Variants in SVOP observed in about 807,000 individuals in gnomAD.
The protein encoded by SVOP is synaptic vesicle 2-related protein.
SVOP carries 17 observed loss-of-function variants against 69.1 expected under a neutral mutation model. The ratio of observed to expected loss-of-function variants is 0.25; its 90% CI spans 0.17 to 0.37. The LOEUF (loss-of-function observed/expected upper bound fraction) is 0.37, where lower values mean the gene tolerates loss of function less well. Ranked by LOEUF, SVOP falls within the 10% of genes least tolerant of loss-of-function variation. SVOP has a pLI of 1.00. For missense variants in SVOP, 435 were observed against 597.5 expected, an observed-to-expected ratio of 0.73 and a Z score of 2.84; for synonymous variants, 238 against 238.6, an observed-to-expected ratio of 1.00 and a Z score of 0.02.
In SVOP at chr12:108,940,810, G is replaced by C; in HGVS notation, c.742C>G (p.Leu248Val). ...RWLLILSAVP[L>V]LLFAVLCFWL... ...AAACACAGCACGGCAAAGAGGAGGA[G>C]CGGGACAGCTGAGAGGATGAGCAGC... Residue 248 changes from leucine to valine, a missense_variant, in exon 8 of 16, where the codon CTC (leucine) becomes GTC (valine). Coordinates refer to ENST00000610966, the MANE Select transcript of SVOP (RefSeq NM_018711.5). The C allele has an allele frequency of 6.5e-7, 1 of 1,537,264 alleles. No individual in the cohort carries two copies. Among genetic ancestry groups the C allele is most frequent in the Non-Finnish European group, 8.7e-7 (1 of 1,146,896 alleles).
In SVOP at chr12:108,945,762, T is replaced by C. The variant is rs145383428; in HGVS notation, c.579-596A>G. On this transcript the variant is annotated intron_variant, in intron 6 of 15. Transcript: ENST00000610966. ...CCATTGAGCCCTACCCATAATCCAA[T>C]AAGTCCAGGGAAAAATGTTTTCTTG... Among the ~76,000 whole-genome samples the C allele has an allele frequency of 8.4e-3, 1,273 of 152,194 alleles. 19 individuals carry two copies. Among genetic ancestry groups the C allele is most frequent in the African/African-American group, 0.029 (1,193 of 41,528 alleles).
At chr12:108,978,713 T>C (rs2040120027) in intron 2 of SVOP, 50 bp from the exon 3 acceptor site, 1 of 700,376 alleles carries the variant, frequency 1.4e-6, no homozygotes, top group African/African-American at 1.8e-5. Flanking sequence ...CACCTTGCAG[T>C]TGTCCTAGTG....
intron 1 of SVOP, among the ~76,000 whole-genome samples, chr12:109,013,812 A>G (rs1593210925): frequency 6.6e-6 from 1 of 152,128 alleles, no homozygotes; most frequent in East Asian, 1.9e-4. Context: ...ATTTAAATTC[A>G]GTACCATTAA....
chr12:108,938,737 C>G (rs772918698), intron 9 of SVOP, 90 bp downstream of exon 9: 3 of 1,581,638 alleles, frequency 1.9e-6, no homozygotes, highest in Non-Finnish European at 2.6e-6. Flanking sequence ...CCACATGTGT[C>G]CTCGCATGCA....
intron 6 of SVOP, among the ~76,000 whole-genome samples, chr12:108,959,351 C>CTTTTTTT (rs36192896): frequency 1.9e-5 from 2 of 106,696 alleles, no homozygotes; most frequent in Non-Finnish European, 2.0e-5. Context: ...GCTTTTAATT[C>CTTTTTTT]TTTTTTTTTT....
rs1245683966 is a variant in SVOP, at chr12:108,919,658, G to A, written c.1268+17C>T. ...CACCTGTGCTCAAACTCATACCTAGGCTTGCAGATCACCTACCTTCCAACA... is the reference window on the plus strand; with the variant it reads ...CACCTGTGCTCAAACTCATACCTAGACTTGCAGATCACCTACCTTCCAACA... On this transcript the variant is annotated intron_variant, in intron 13 of 15. Coordinates refer to ENST00000610966, the MANE Select transcript of SVOP (RefSeq NM_018711.5). The A allele has an allele frequency of 6.3e-7, 1 of 1,577,018 alleles. No homozygotes were observed. Among genetic ancestry groups the A allele is most frequent in the Non-Finnish European group, 8.6e-7 (1 of 1,159,924 alleles).
intron 6 of SVOP, among the ~76,000 whole-genome samples, chr12:108,958,107 G>A (rs1012225604): frequency 1.3e-5 from 2 of 152,130 alleles, no homozygotes; most frequent in African/African-American, 2.4e-5. Context: ...ATCTTTTATT[G>A]AAGAGTACTG....
intron 6 of SVOP, among the ~76,000 whole-genome samples, chr12:108,957,694 C>T (rs548321188): frequency 7.9e-5 from 12 of 152,322 alleles, no homozygotes; most frequent in African/African-American, 1.9e-4. Context: ...AATGGACAAG[C>T]GCAGCAGCTA....
intron 11 of SVOP, among the ~76,000 whole-genome samples, chr12:108,929,870 C>A (rs916977678): frequency 6.6e-6 from 1 of 152,178 alleles, no homozygotes; most frequent in East Asian, 1.9e-4. Flanking sequence ...CAGTACCTGG[C>A]GTGTAGAAAA....
At chr12:108,915,447 T>C (rs1300435142) in intron 15 of SVOP, among the ~76,000 whole-genome samples, 1 of 152,202 alleles carries the variant, frequency 6.6e-6, no homozygotes, top group African/African-American at 2.4e-5. Flanking sequence ...TTTTCTGTTC[T>C]TGCATTAATT....
At chr12:108,997,397 A>T (rs1236612437) in intron 1 of SVOP, among the ~76,000 whole-genome samples, 1 of 151,206 alleles carries the variant, frequency 6.6e-6, no homozygotes, top group Non-Finnish European at 1.5e-5. Flanking sequence ...GGCGCCCGCC[A>T]TTGCCCAGGC....
intron 2 of SVOP, among the ~76,000 whole-genome samples, chr12:108,980,059 C>A (rs1352941418): frequency 6.6e-6 from 1 of 151,966 alleles, no homozygotes; most frequent in Non-Finnish European, 1.5e-5. Flanking sequence ...GCCTATGGTC[C>A]TAGCTACCTG....
chr12:108,996,364 C>A (rs1449934538), intron 1 of SVOP, among the ~76,000 whole-genome samples: 1 of 152,074 alleles, frequency 6.6e-6, no homozygotes, highest in Non-Finnish European at 1.5e-5. Context: ...TTGAGACCAG[C>A]CTGGCCAACA....
Position 108,922,714 on chromosome 12 carries a change from A to C in SVOP, c.1132T>G (p.Trp378Gly), listed in dbSNP as rs751243832. Reference sequence around the variant, plus strand: ...CCTGGAAACTCAGAGAGGGTGGTCCACAGCAAGTCCATGTAATCCTCCTCA... The same window carrying C: ...CCTGGAAACTCAGAGAGGGTGGTCCCCAGCAAGTCCATGTAATCCTCCTCA... ...LSEEDYMDLL[W>G]TTLSEFPGVL... Residue 378 changes from tryptophan to glycine, a missense_variant, in exon 12 of 16, where the codon TGG (tryptophan) becomes GGG (glycine). By Grantham distance (184) the Trp-to-Gly change is radical. Transcript: ENST00000610966. 2 of 1,610,784 alleles carry C rather than the reference A, an allele frequency of 1.2e-6. No individual in the cohort carries two copies. Among genetic ancestry groups the C allele is most frequent in the South Asian group, 2.2e-5 (2 of 89,892 alleles).
chr12:108,962,045 A>G (rs892336502), intron 5 of SVOP, among the ~76,000 whole-genome samples: 2 of 152,220 alleles, frequency 1.3e-5, no homozygotes, highest in African/African-American at 2.4e-5. Context: ...ATTTTAATGA[A>G]TGACATACTC....
chr12:109,009,739 G>A (rs959537861), intron 1 of SVOP, among the ~76,000 whole-genome samples: 1 of 152,062 alleles, frequency 6.6e-6, no homozygotes, highest in African/African-American at 2.4e-5. Context: ...TTCAACCGGG[G>A]CAATTTAGTC....
At chr12:108,959,806 T>C (rs1318609670) in intron 6 of SVOP, among the ~76,000 whole-genome samples, 2 of 152,192 alleles carry the variant, frequency 1.3e-5, no homozygotes, top group African/African-American at 4.8e-5. Context: ...TTCCAAATCC[T>C]TTGCCTTCTT....
chr12:108,915,511 G>A (rs1180881417), intron 15 of SVOP, among the ~76,000 whole-genome samples: 1 of 152,152 alleles, frequency 6.6e-6, no homozygotes, highest in Admixed American at 6.5e-5. Flanking sequence ...CAAAACATAT[G>A]GCAGCCCAAG....
At chr12:108,971,647 T>C (rs1254719141) in intron 5 of SVOP, among the ~76,000 whole-genome samples, 2 of 152,068 alleles carry the variant, frequency 1.3e-5, no homozygotes, top group Non-Finnish European at 2.9e-5. Flanking sequence ...ATTTGAGCAG[T>C]GATTCCAGTA....
Sources: allele counts gnomAD v4.1 joint callset (sites outside exome capture counted in the v4.1 genomes callset), GRCh38; gene constraint gnomAD v4.1.1; transcripts MANE v1.5; gene names NCBI Gene and HGNC (gene_info 2026-07-23, HGNC 2026-07-21).